The following CDH18 variants were observed in gnomAD, a reference collection of about 807,000 sequenced individuals.
CDH18 encodes cadherin 18.
Under a neutral mutation model 67.9 loss-of-function variants are expected in CDH18, and 31 were observed. That is an observed-to-expected ratio of 0.46 (90% confidence interval 0.34 to 0.62). The LOEUF is 0.62. Ranked by LOEUF, CDH18 falls within the 20% of genes least tolerant of loss-of-function variation. The pLI is 0.01. For missense variants in CDH18, 890 were observed against 975.5 expected (o/e 0.91, Z 1.17); for synonymous variants, 362 against 347.2 (o/e 1.04, Z -0.48).
In CDH18 at chr5:20,172,190, GTATATATA is replaced by G. The variant is rs70954640; in HGVS notation, c.-518+83246_-518+83253del. Among the ~76,000 whole-genome samples the G allele has an allele frequency of 7.3e-4, 17 of 23,330 alleles. 2 individuals are homozygous for G. Among genetic ancestry groups the G allele is most frequent in the South Asian group, 3.8e-3 (2 of 520 alleles). The allele number at this position is 23,330 out of a possible 152,430, so 15.3% of individuals were successfully genotyped here. On this transcript the variant is annotated intron_variant, in intron 2 of 14. Transcript: ENST00000507958. ...AACTTTGATATCAATAGCATTGTGTGTATATATATATATATATATATATATATATATAT... is the reference window on the plus strand; with the variant it reads ...AACTTTGATATCAATAGCATTGTGTGTATATATATATATATATATATATAT...
intron 2 of CDH18, among the ~76,000 whole-genome samples, chr5:20,179,828 G>A (rs1580417728): frequency 6.6e-6 from 1 of 152,200 alleles, no homozygotes; most frequent in African/African-American, 2.4e-5. Flanking sequence ...CAGACAGGCA[G>A]GGTCTCCATT....
intron 1 of CDH18, among the ~76,000 whole-genome samples, chr5:20,261,718 G>A (rs1049507870): frequency 6.6e-6 from 1 of 151,464 alleles, no homozygotes; most frequent in Non-Finnish European, 1.5e-5. Flanking sequence ...GCGACAGAGC[G>A]AGACTCCGTT....
At chr5:20,165,194 A>G (rs1374079893) in intron 2 of CDH18, among the ~76,000 whole-genome samples, 1 of 152,050 alleles carries the variant, frequency 6.6e-6, no homozygotes, top group African/African-American at 2.4e-5. Context: ...CTGTGAAAAT[A>G]TGTCATTTTA....
At chr5:20,133,364 T>C (rs1318284762) in intron 2 of CDH18, among the ~76,000 whole-genome samples, 1 of 152,112 alleles carries the variant, frequency 6.6e-6, no homozygotes, top group African/African-American at 2.4e-5. Flanking sequence ...AACTGCCCTT[T>C]ATGAAACCAT....
At position 20,535,702 on chromosome 5, in the gene CDH18, A is replaced by G. The variant is rs549951666; in HGVS notation, c.-580+39760T>C. Among the ~76,000 whole-genome samples the G allele has an allele frequency of 1.1e-4, 16 of 152,192 alleles. No homozygotes were observed. In the East Asian group the frequency reaches 3.1e-3, roughly 30 times the overall value. On this transcript the variant is annotated intron_variant, in intron 1 of 14. Transcript: ENST00000507958. ...TCATAAACTGTTTTCAGCTCTCAAAAGTGTTTTACCTAATGAATTCTGATG... is the reference window on the plus strand; with the variant it reads ...TCATAAACTGTTTTCAGCTCTCAAAGGTGTTTTACCTAATGAATTCTGATG...
At chr5:19,763,336 C>T (rs1360432765) in intron 3 of CDH18, among the ~76,000 whole-genome samples, 2 of 152,116 alleles carry the variant, frequency 1.3e-5, no homozygotes, top group Non-Finnish European at 2.9e-5. Flanking sequence ...AGAAATTATC[C>T]AATCAGAAAT....
chr5:20,389,436 C>T (rs111352658), intron 1 of CDH18, among the ~76,000 whole-genome samples: 34 of 152,096 alleles, frequency 2.2e-4, no homozygotes, highest in African/African-American at 8.0e-4. Flanking sequence ...TATTTTGAGC[C>T]TATGTGTGTC....
chr5:19,896,388 C>T (rs1046592928), intron 2 of CDH18, among the ~76,000 whole-genome samples: 2 of 151,932 alleles, frequency 1.3e-5, no homozygotes, highest in South Asian at 2.1e-4. Context: ...AAGAGCTTAT[C>T]CTAGATTACT....
chr5:20,304,860 A>G, intron 1 of CDH18: 1 of 1,611,726 alleles, frequency 6.2e-7, no homozygotes, highest in Admixed American at 1.7e-5. Flanking sequence ...GTTGCTGTTC[A>G]ATGTTTGCTA....
At chr5:20,479,223 A>G (rs1001364401) in intron 1 of CDH18, among the ~76,000 whole-genome samples, 1 of 152,160 alleles carries the variant, frequency 6.6e-6, no homozygotes, top group Non-Finnish European at 1.5e-5. Flanking sequence ...ACAAACATCC[A>G]TGTGCATCAA....
chr5:20,040,592 C>G (rs774020159), intron 2 of CDH18, among the ~76,000 whole-genome samples: 2 of 152,066 alleles, frequency 1.3e-5, no homozygotes, highest in Non-Finnish European at 2.9e-5. Context: ...TAAAAAGCAT[C>G]CTGGGAGCGA....
intron 5 of CDH18, among the ~76,000 whole-genome samples, chr5:19,666,862 G>A (rs1758026850): frequency 6.6e-6 from 1 of 152,000 alleles, no homozygotes; most frequent in South Asian, 2.1e-4. Flanking sequence ...TAATAAAAAA[G>A]TTACCTGTGG....
chr5:20,122,789 C>T (rs1318079374), intron 2 of CDH18, among the ~76,000 whole-genome samples: 1 of 147,888 alleles, frequency 6.8e-6, no homozygotes, highest in Non-Finnish European at 1.5e-5. Flanking sequence ...AGACATTTTT[C>T]TAATTCGATA....
At chr5:20,537,540 A>G (rs572626255) in intron 1 of CDH18, among the ~76,000 whole-genome samples, 2 of 152,210 alleles carry the variant, frequency 1.3e-5, no homozygotes, top group East Asian at 1.9e-4. Flanking sequence ...AATTTTTTTA[A>G]AAGCCTAGAA....
intron 2 of CDH18, among the ~76,000 whole-genome samples, chr5:20,150,248 C>T (rs966873656): frequency 6.6e-6 from 1 of 152,004 alleles, no homozygotes; most frequent in Non-Finnish European, 1.5e-5. Context: ...TATTTGATAG[C>T]TCCTCAATTA....
chr5:19,545,061 A>G (rs1183913597), intron 8 of CDH18, among the ~76,000 whole-genome samples: 1 of 152,164 alleles, frequency 6.6e-6, no homozygotes, highest in South Asian at 2.1e-4. Context: ...ACTATTAAAC[A>G]ATTATCATAT....
intron 2 of CDH18, among the ~76,000 whole-genome samples, chr5:20,158,112 G>C (rs765820384): frequency 8.3e-4 from 127 of 152,238 alleles, no homozygotes; most frequent in Non-Finnish European, 1.3e-3. Context: ...TGCTGAATAT[G>C]TAATACGGTT....
At chr5:19,713,572 T>C (rs1171275292) in intron 5 of CDH18, among the ~76,000 whole-genome samples, 1 of 152,130 alleles carries the variant, frequency 6.6e-6, no homozygotes, top group Non-Finnish European at 1.5e-5. Context: ...TGATAGATAT[T>C]ATTCTGTTGA....
intron 2 of CDH18, among the ~76,000 whole-genome samples, chr5:20,031,361 T>C (rs1486427730): frequency 6.6e-6 from 1 of 152,088 alleles, no homozygotes. Flanking sequence ...AAGTGGCCAG[T>C]GTCACCACAG....
Sources: allele counts gnomAD v4.1 joint callset (sites outside exome capture counted in the v4.1 genomes callset), GRCh38; gene constraint gnomAD v4.1.1; transcripts MANE v1.5; gene names NCBI Gene and HGNC (gene_info 2026-07-23, HGNC 2026-07-21).